Variants in DDAH1 observed in about 807,000 individuals in gnomAD.
DDAH1 encodes the protein dimethylarginine dimethylaminohydrolase 1.
DDAH1 carries 19 observed loss-of-function variants against 28.8 expected under a neutral mutation model. That is an observed-to-expected ratio of 0.66 (90% CI 0.46 to 0.97). The LOEUF (loss-of-function observed/expected upper bound fraction) is 0.97, where lower values mean the gene tolerates loss of function less well. Among genes scored for constraint, DDAH1 ranks in the 50% least tolerant of loss-of-function variants. The pLI is 0.00. For missense variants in DDAH1, 326 were observed against 375.9 expected (o/e 0.87, Z 1.10); for synonymous variants, 153 against 154.4 (o/e 0.99, Z 0.07).
chr1:85,536,803 C>G (rs1162956181), intron 1 of DDAH1, among the ~76,000 whole-genome samples: 1 of 151,772 alleles, frequency 6.6e-6, no homozygotes, highest in African/African-American at 2.4e-5. Flanking sequence ...AGAAATCCCA[C>G]TACTGGGTAT....
intron 1 of DDAH1, among the ~76,000 whole-genome samples, chr1:85,390,691 C>T (rs1040265251): frequency 2.6e-5 from 4 of 152,108 alleles, no homozygotes; most frequent in African/African-American, 9.7e-5. Context: ...TATTTGTTCT[C>T]TTCTTGAGCA....
At chr1:85,398,300 A>C (rs1458733954) in intron 1 of DDAH1, among the ~76,000 whole-genome samples, 2 of 152,252 alleles carry the variant, frequency 1.3e-5, no homozygotes, top group Non-Finnish European at 2.9e-5. Flanking sequence ...AATCAGGTGA[A>C]GTTTAATGAG....
intron 2 of DDAH1, among the ~76,000 whole-genome samples, chr1:85,485,889 G>A (rs990637891): frequency 6.6e-6 from 1 of 152,158 alleles, no homozygotes; most frequent in Admixed American, 6.6e-5. Context: ...TATCTCTGAA[G>A]TCTGCCTCAC....
chr1:85,452,625 TAGAGTA>T (rs1654716043), intron 1 of DDAH1, among the ~76,000 whole-genome samples: 1 of 151,936 alleles, frequency 6.6e-6, no homozygotes, highest in African/African-American at 2.4e-5. Context: ...CATCTAGACC[TAGAGTA>T]AAAGAACAAA....
At chr1:85,349,933 T>C (rs536103910) in intron 4 of DDAH1, among the ~76,000 whole-genome samples, 2 of 152,344 alleles carry the variant, frequency 1.3e-5, no homozygotes, top group South Asian at 4.1e-4. Flanking sequence ...AATGTTATTA[T>C]TCCAAATGCA....
chr1:85,377,431 C>G (rs773171156), intron 1 of DDAH1, among the ~76,000 whole-genome samples: 2 of 152,030 alleles, frequency 1.3e-5, no homozygotes, highest in Non-Finnish European at 2.9e-5. Flanking sequence ...TTCATGGCAT[C>G]AAATGAGGAG....
chr1:85,418,702 T>C (rs1180816810), intron 1 of DDAH1, among the ~76,000 whole-genome samples: 1 of 152,238 alleles, frequency 6.6e-6, no homozygotes, highest in East Asian at 1.9e-4. Flanking sequence ...AATGTCCTTT[T>C]CAGTGTTCAG....
intron 1 of DDAH1, among the ~76,000 whole-genome samples, chr1:85,517,903 T>A (rs1338713194): frequency 6.6e-6 from 1 of 152,190 alleles, no homozygotes; most frequent in Non-Finnish European, 1.5e-5. Context: ...CTACATTAAT[T>A]TTTTAAAATC....
intron 2 of DDAH1, among the ~76,000 whole-genome samples, chr1:85,353,746 A>G (rs952532482): frequency 2.0e-5 from 3 of 152,188 alleles, no homozygotes; most frequent in Admixed American, 6.5e-5. Context: ...TAAGAAAAAC[A>G]TAATACTCTG....
At chr1:85,454,043 C>T (rs889989212) in intron 1 of DDAH1, among the ~76,000 whole-genome samples, 10 of 146,868 alleles carry the variant, frequency 6.8e-5, no homozygotes, top group African/African-American at 2.5e-4. Flanking sequence ...GTCTCAGCCC[C>T]CACCTGGATG....
intron 1 of DDAH1, among the ~76,000 whole-genome samples, chr1:85,534,666 CAAT>C (rs1476937175): frequency 6.6e-6 from 1 of 151,754 alleles, no homozygotes; most frequent in Non-Finnish European, 1.5e-5. Flanking sequence ...CAAACACGTT[CAAT>C]AACAATATGT....
chr1:85,429,255 A>G (rs1348004999), intron 1 of DDAH1, among the ~76,000 whole-genome samples: 1 of 151,528 alleles, frequency 6.6e-6, no homozygotes, highest in Non-Finnish European at 1.5e-5. Context: ...TATGTATGAG[A>G]ACATGCAGTG....
chr1:85,457,299 T>C lies in DDAH1; in HGVS notation c.303+7444A>G, dbSNP rs113031270. Among the ~76,000 whole-genome samples the C allele has an allele frequency of 7.8e-3, 1,187 of 152,286 alleles. 12 individuals are homozygous for C. The highest frequency in any genetic ancestry group is 0.034 in the Middle Eastern group (10 of 294). Reference sequence around the variant, plus strand: ...AAGGTTGCTCTTCTCTGCCTTCCCCTGGTTAATTCTCACTCAATAATCGCT... The same window carrying C: ...AAGGTTGCTCTTCTCTGCCTTCCCCCGGTTAATTCTCACTCAATAATCGCT... On this transcript the variant is annotated intron_variant, in intron 1 of 5. Coordinates refer to ENST00000284031, the MANE Select transcript of DDAH1 (RefSeq NM_012137.4).
intron 1 of DDAH1, among the ~76,000 whole-genome samples, chr1:85,387,353 T>A (rs1231114568): frequency 6.6e-6 from 1 of 152,230 alleles, no homozygotes; most frequent in Non-Finnish European, 1.5e-5. Context: ...TAGAAGCAGC[T>A]ACACCACTTC....
intron 1 of DDAH1, among the ~76,000 whole-genome samples, chr1:85,510,039 C>T (rs1458531448): frequency 1.3e-5 from 2 of 152,080 alleles, no homozygotes; most frequent in Non-Finnish European, 2.9e-5. Context: ...CTCCAAGACA[C>T]ATAATTGTCA....
At chr1:85,369,936 G>C (rs981106533) in intron 1 of DDAH1, among the ~76,000 whole-genome samples, 2 of 152,198 alleles carry the variant, frequency 1.3e-5, no homozygotes, top group East Asian at 3.8e-4. Context: ...ACAAGAGCCA[G>C]TGCAAAGGCC....
chr1:85,538,066 A>G (rs1658348683), intron 1 of DDAH1, among the ~76,000 whole-genome samples: 1 of 152,122 alleles, frequency 6.6e-6, no homozygotes, highest in Admixed American at 6.5e-5. Context: ...CTGTTCCTAC[A>G]AGTTTCCCAC....
At chr1:85,323,857 C>A (rs989265992) in intron 5 of DDAH1, among the ~76,000 whole-genome samples, 1 of 151,710 alleles carries the variant, frequency 6.6e-6, no homozygotes, top group African/African-American at 2.4e-5. Flanking sequence ...GTAGTCCCAG[C>A]TACTCGGGAG....
At chr1:85,457,573 C>A (rs1654943975) in intron 1 of DDAH1, among the ~76,000 whole-genome samples, 1 of 152,210 alleles carries the variant, frequency 6.6e-6, no homozygotes, top group Non-Finnish European at 1.5e-5. Flanking sequence ...AGTAACACAA[C>A]TATTATCCCT....
Sources: gnomAD v4.1 joint callset for allele counts (sites outside exome capture counted in the v4.1 genomes callset) on GRCh38, gnomAD v4.1.1 for gene constraint, MANE v1.5 for transcripts, NCBI Gene and HGNC (gene_info 2026-07-23, HGNC 2026-07-21) for gene names.